Variants in NIPAL1 observed in about 807,000 individuals in gnomAD.
NIPAL1 encodes the protein NIPA like domain containing 1, also known as magnesium transporter NIPA3.
NIPAL1 carries 35 observed loss-of-function variants against 37.7 expected under a neutral mutation model. The ratio of observed to expected loss-of-function variants is 0.93; its 90% confidence interval spans 0.71 to 1.23. NIPAL1 has a LOEUF of 1.23. Ranked by LOEUF, NIPAL1 falls within the 50% of genes most tolerant of loss-of-function variation. The pLI, the probability that NIPAL1 is intolerant of heterozygous loss-of-function variation, is 0.00. For missense variants in NIPAL1, 412 were observed against 473.9 expected (o/e 0.87, Z 1.21); for synonymous variants, 162 against 183.0 (o/e 0.89, Z 0.93).
chr4:48,034,342 G>GCTACCATTA (rs1467981800), intron 4 of NIPAL1, among the ~76,000 whole-genome samples: 5 of 151,832 alleles, frequency 3.3e-5, no homozygotes, highest in Non-Finnish European at 5.9e-5. Flanking sequence ...TAGCTCATTA[G>GCTACCATTA]CTACCATTAC....
Position 48,025,082 on chromosome 4 carries a change from C to A in NIPAL1, c.61C>A (p.Leu21Met), listed in dbSNP as rs1715656164. 1 of 1,613,938 alleles carries A rather than the reference C, an allele frequency of 6.2e-7. No homozygotes were observed. The highest frequency in any genetic ancestry group is 8.5e-7 in the Non-Finnish European group (1 of 1,179,790). ...EPCREGYVLS[L>M]VCPNSSQAWC... Reference sequence around the variant, plus strand: ...CTTTTTTCCAGGATATGTGCTGTCTCTGGTCTGTCCAAACTCCTCCCAGGC... The same window carrying A: ...CTTTTTTCCAGGATATGTGCTGTCTATGGTCTGTCCAAACTCCTCCCAGGC... Residue 21 changes from leucine (L) to methionine (M), a missense_variant, in exon 2 of 6, where the codon CTG becomes ATG. Coordinates refer to ENST00000295461, the MANE Select transcript of NIPAL1 (RefSeq NM_207330.3).
chr4:48,026,431 AT>A (rs1402524274), intron 2 of NIPAL1, among the ~76,000 whole-genome samples: 2 of 152,206 alleles, frequency 1.3e-5, no homozygotes, highest in African/African-American at 4.8e-5. Context: ...TTGAGAGGAG[AT>A]TTGTACTATC....
At chr4:48,018,318 T>G (rs1013229359) in intron 1 of NIPAL1, among the ~76,000 whole-genome samples, 2 of 152,226 alleles carry the variant, frequency 1.3e-5, no homozygotes, top group Non-Finnish European at 2.9e-5. Flanking sequence ...TTACACCCAC[T>G]TGTTTGAGCT....
intron 1 of NIPAL1, among the ~76,000 whole-genome samples, chr4:48,019,630 T>C (rs1415222840): frequency 6.6e-6 from 1 of 152,134 alleles, no homozygotes; most frequent in Non-Finnish European, 1.5e-5. Flanking sequence ...ACTTATTCTA[T>C]GAAAGGAACA....
rs1297548440 is a variant in NIPAL1, at chr4:48,035,609, AT to A, written c.674del (p.Leu225Ter). On this transcript the variant is annotated frameshift_variant, in exon 6 of 6. Transcript: ENST00000295461. LOFTEE classifies it high-confidence loss of function. ...CATAACTGTGATCTCCTTGGTGCTG[AT>A]TTTGATTGTGGCTCCCAAGAAAGGA... ...VIITVISLVL[I>X]LIVAPKKGQT... 3.1e-6 allele frequency: 5 copies of A among 1,613,440 alleles called. No individual in the cohort carries two copies. Among genetic ancestry groups the A allele is most frequent in the Non-Finnish European group, 4.2e-6 (5 of 1,179,776 alleles).
At position 48,034,800 on chromosome 4, in the gene NIPAL1, A is replaced by G; in HGVS notation, c.462-81A>G. ...CTCATTGGGATACATGGTGGCATGT[A>G]CCACAGTGTGACTTCTGAGCTGCCA... On this transcript the variant is annotated intron_variant, in intron 4 of 5. Coordinates refer to ENST00000295461, the MANE Select transcript of NIPAL1 (RefSeq NM_207330.3). The G allele has an allele frequency of 2.9e-6, 3 of 1,022,850 alleles. No homozygotes were observed. In the South Asian group the frequency reaches 4.2e-5, roughly 14 times the overall value. The allele number at this position is 1,022,850 out of a possible 1,614,324, so 63.4% of individuals were successfully genotyped here. A position where few individuals can be genotyped will look rare whatever the true frequency, so the allele number is the denominator to read the frequency against.
chr4:48,020,000 TG>T (rs999125106), intron 1 of NIPAL1, among the ~76,000 whole-genome samples: 9 of 152,224 alleles, frequency 5.9e-5, no homozygotes, highest in African/African-American at 1.9e-4. Context: ...TTTTACTACT[TG>T]CTATGGCACT....
intron 1 of NIPAL1, among the ~76,000 whole-genome samples, chr4:48,019,450 T>C (rs1288660600): frequency 1.3e-5 from 2 of 152,184 alleles, no homozygotes; most frequent in South Asian, 4.1e-4. Flanking sequence ...GTCTATTTGA[T>C]TGGGAACATA....
chr4:48,017,109 TA>T (rs901872732), intron 1 of NIPAL1, among the ~76,000 whole-genome samples: 16 of 152,346 alleles, frequency 1.1e-4, no homozygotes, highest in Non-Finnish European at 4.4e-5. Flanking sequence ...CTGAGTGGAA[TA>T]AGGCAGGTGG....
chr4:48,024,984 A>T, intron 1 of NIPAL1, 84 bp from the exon 2 acceptor site: 1 of 1,234,870 alleles, frequency 8.1e-7, no homozygotes, highest in South Asian at 1.4e-5. Context: ...CCATCCACTC[A>T]AGGCTCTGTT....
chr4:48,027,034 T>A lies in NIPAL1; in HGVS notation c.313+1700T>A, dbSNP rs188425098. On this transcript the variant is annotated intron_variant, in intron 2 of 5. Coordinates refer to ENST00000295461, the MANE Select transcript of NIPAL1 (RefSeq NM_207330.3). This position sits in a 1 kb window ranked among gnomAD's most constrained non-coding sequence, Gnocchi z 4.1. ...CGCCTGGCCAAAAAATGAAATAATT[T>A]AAAAAAAAAAGAAGGCTTTTCTAAG... Among the ~76,000 whole-genome samples the A allele has an allele frequency of 6.5e-3, 963 of 147,710 alleles. 11 individuals carry two copies. The highest frequency in any genetic ancestry group is 0.022 in the African/African-American group (899 of 40,342).
At chr4:48,026,036 C>T (rs1460335987) in intron 2 of NIPAL1, among the ~76,000 whole-genome samples, 2 of 152,130 alleles carry the variant, frequency 1.3e-5, no homozygotes, top group African/African-American at 4.8e-5. Flanking sequence ...CTCCCCACCC[C>T]ACCCCCGTTA....
In NIPAL1 at chr4:48,016,833, C is replaced by T. The variant is rs201743037; in HGVS notation, c.-7C>T. ...CGCCCGCGTTCCGGAAGCCCGCTCC[C>T]GGGGCCATGGGGGCACAGGTGAGGC... On this transcript the variant is annotated 5_prime_UTR_variant, in exon 1 of 6. Coordinates refer to ENST00000295461, the MANE Select transcript of NIPAL1 (RefSeq NM_207330.3). 1.9e-6 allele frequency: 3 copies of T among 1,577,674 alleles called. No individual in the cohort carries two copies. The highest frequency in any genetic ancestry group is 2.3e-5 in the East Asian group (1 of 43,154).
At chr4:48,016,928 C>A in intron 1 of NIPAL1, 43 bp downstream of exon 1, 1 of 1,548,014 alleles carries the variant, frequency 6.5e-7, no homozygotes, top group Non-Finnish European at 8.8e-7. Flanking sequence ...AGCTGGGTGG[C>A]GAAGAGACCG....
intron 2 of NIPAL1, among the ~76,000 whole-genome samples, chr4:48,029,552 C>T (rs1031812644): frequency 3.3e-5 from 5 of 152,106 alleles, no homozygotes; most frequent in African/African-American, 1.2e-4. Flanking sequence ...CACAACTACA[C>T]TTGTACCCCT....
chr4:48,026,680 A>G (rs868701799), intron 2 of NIPAL1, among the ~76,000 whole-genome samples: 1 of 152,122 alleles, frequency 6.6e-6, no homozygotes, highest in South Asian at 2.1e-4. Context: ...CATTCAGCAA[A>G]ATACATTCTA....
rs1356550077 is a variant in NIPAL1 at position 48,038,661 on chromosome 4, T to C, written c.*2489T>C. On this transcript the variant is annotated 3_prime_UTR_variant, in exon 6 of 6. Coordinates refer to ENST00000295461, the MANE Select transcript of NIPAL1 (RefSeq NM_207330.3). ...TTTGAAAATTGCAGAAATTTTAATA[T>C]TTTTTCTTTTAATATTAAGAACTTT... The C allele has an allele frequency of 2.0e-5, 3 of 152,304 alleles. No homozygotes were observed. Among genetic ancestry groups the C allele is most frequent in the South Asian group, 4.2e-4 (2 of 4,818 alleles). The allele number at this position is 152,304 out of a possible 1,614,324, so 9.4% of individuals were successfully genotyped here.
Position 48,034,942 on chromosome 4 carries a change from A to T in NIPAL1, c.523A>T (p.Ile175Leu). Residue 175 changes from isoleucine (I) to leucine (L), a missense_variant, in exon 5 of 6, where the codon ATA becomes TTA. Coordinates refer to ENST00000295461, the MANE Select transcript of NIPAL1 (RefSeq NM_207330.3). ...HLNIHGKIGC[I>L]LSILGSTVMV... ...GAACATTCATGGGAAAATAGGCTGC[A>T]TATTAAGTATATTGGGGTCAACTGT... The T allele has an allele frequency of 3.1e-6, 5 of 1,611,792 alleles. No individual in the cohort carries two copies. The highest frequency in any genetic ancestry group is 4.2e-6 in the Non-Finnish European group (5 of 1,177,866).
chr4:48,039,914 A>G lies in NIPAL1; in HGVS notation c.*3742A>G, dbSNP rs529919734. ...CAAGTGAAAGTGAATTCATCATACT[A>G]TCTCAACACCAATACAAAATTATTC... On this transcript the variant is annotated 3_prime_UTR_variant, in exon 6 of 6. Transcript: ENST00000295461. 2 of 152,230 alleles carry G rather than the reference A, an allele frequency of 1.3e-5. No homozygotes were observed. The highest frequency in any genetic ancestry group is 2.1e-4 in the South Asian group (1 of 4,834). The allele number at this position is 152,230 out of a possible 1,614,324, so 9.4% of individuals were successfully genotyped here. A position where few individuals can be genotyped will look rare whatever the true frequency, so the allele number is the denominator to read the frequency against.
Sources: gnomAD v4.1 joint callset for allele counts (sites outside exome capture counted in the v4.1 genomes callset) on GRCh38, gnomAD v4.1.1 for gene constraint, Gnocchi (gnomAD v3.1) non-coding constraint, MANE v1.5 for transcripts, NCBI Gene and HGNC (gene_info 2026-07-23, HGNC 2026-07-21) for gene names.